Variants in GNL1 observed in about 807,000 individuals in gnomAD.
GNL1 encodes G protein nucleolar 1.
A neutral mutation model predicts 75.2 loss-of-function variants in GNL1; 21 were observed. The observed-to-expected ratio is 0.28, with a 90% CI of 0.20 to 0.40. The LOEUF (loss-of-function observed/expected upper bound fraction) is 0.40. Among genes scored for constraint, GNL1 ranks in the 10% least tolerant of loss-of-function variants. The probability of loss-of-function intolerance (pLI) is 1.00; values close to 1 mark genes in which losing one functional copy is unlikely to be tolerated. For missense variants in GNL1, 579 were observed against 775.0 expected (o/e 0.75, Z 3.00); for synonymous variants, 287 against 303.4 (o/e 0.95, Z 0.56).
rs1157355933 is a variant in GNL1 at position 30,546,421 on chromosome 6, C to T, written c.1583-108G>A. 6 of 737,546 alleles carry T rather than the reference C, an allele frequency of 8.1e-6. No individual in the cohort carries two copies. Among genetic ancestry groups the T allele is most frequent in the Non-Finnish European group, 1.4e-5 (6 of 439,502 alleles). The allele number at this position is 737,546 out of a possible 1,614,324, so 45.7% of individuals were successfully genotyped here. On this transcript the variant is annotated intron_variant, in intron 11 of 11. Coordinates refer to ENST00000376621, the MANE Select transcript of GNL1 (RefSeq NM_005275.5). The surrounding 1 kb of genome is among the most constrained non-coding windows in gnomAD (Gnocchi z 5.1). ...CTAGGAATAACAATAATCTTTAGAG[C>T]TGCTGGCATTCATTCATTCATCCAT...
Position 30,546,617 on chromosome 6 carries a change from C to G in GNL1, c.1582+79G>C. 1.7e-6 allele frequency: 2 copies of G among 1,201,874 alleles called. No homozygotes were observed. The highest frequency in any genetic ancestry group is 2.4e-6 in the Non-Finnish European group (2 of 844,856). 74.5% of individuals were successfully genotyped at this position (1,201,874 alleles called of 1,614,324 possible). ...CAACAGGTACAGAATCCAGGTTTGACCCTCTCTCTGGCCACAAAGCCCACA... is the reference window on the plus strand; with the variant it reads ...CAACAGGTACAGAATCCAGGTTTGAGCCTCTCTCTGGCCACAAAGCCCACA... On this transcript the variant is annotated intron_variant, in intron 11 of 11. Coordinates refer to ENST00000376621, the MANE Select transcript of GNL1 (RefSeq NM_005275.5). This position sits in a 1 kb window ranked among gnomAD's most constrained non-coding sequence, Gnocchi z 5.1.
In GNL1 at chr6:30,546,570, G is replaced by C. The variant is rs1799466771; in HGVS notation, c.1582+126C>G. 1.3e-6 allele frequency: 1 copy of C among 797,810 alleles called. No individual in the cohort carries two copies. Among genetic ancestry groups the C allele is most frequent in the African/African-American group, 1.7e-5 (1 of 57,862 alleles). 49.4% of individuals were successfully genotyped at this position (797,810 alleles called of 1,614,324 possible). A position where few individuals can be genotyped will look rare whatever the true frequency, so the allele number is the denominator to read the frequency against. On this transcript the variant is annotated intron_variant, in intron 11 of 11. Transcript: ENST00000376621. This position sits in a 1 kb window ranked among gnomAD's most constrained non-coding sequence, Gnocchi z 5.1. ...GTTTGCAGATCAGGAAAATATCACA[G>C]ATGTTAAGTAACAGAGCTAGCCAAC...
In GNL1 at chr6:30,544,622, G is replaced by C. The variant is rs1446950449; in HGVS notation, c.*1450C>G. ...AAACCTTCAAGTACATTCTCATGCT[G>C]GTATTATTTAAACTTTGCACTGGAG... On this transcript the variant is annotated 3_prime_UTR_variant, in exon 12 of 12. Transcript: ENST00000376621. The C allele has an allele frequency of 5.3e-5, 8 of 152,152 alleles. No homozygotes were observed. The highest frequency in any genetic ancestry group is 1.9e-4 in the African/African-American group (8 of 41,442). 9.4% of individuals were successfully genotyped at this position (152,152 alleles called of 1,614,324 possible). A position where few individuals can be genotyped will look rare whatever the true frequency, so the allele number is the denominator to read the frequency against.
At position 30,555,873 on chromosome 6, in the gene GNL1, TG is replaced by T. The variant is rs1222742130; in HGVS notation, c.74-154del. The T allele has an allele frequency of 2.3e-6, 2 of 881,234 alleles. No individual in the cohort carries two copies. Among genetic ancestry groups the T allele is most frequent in the Non-Finnish European group, 3.5e-6 (2 of 576,714 alleles). The allele number at this position is 881,234 out of a possible 1,614,324, so 54.6% of individuals were successfully genotyped here. ...TATTTGGGACCCTCCCGGATGTGCGTGGGGGGAGTCACTCCTTCAGGGAGCA... is the reference window on the plus strand; with the variant it reads ...TATTTGGGACCCTCCCGGATGTGCGTGGGGGAGTCACTCCTTCAGGGAGCA... On this transcript the variant is annotated intron_variant, in intron 1 of 11. Coordinates refer to ENST00000376621, the MANE Select transcript of GNL1 (RefSeq NM_005275.5). The surrounding 1 kb of genome is among the most constrained non-coding windows in gnomAD (Gnocchi z 4.3).
rs1441778182 is a variant in GNL1, at chr6:30,553,140, C to T, written c.848G>A (p.Arg283Gln). 1.4e-5 allele frequency: 23 copies of T among 1,613,758 alleles called. No homozygotes were observed. Among genetic ancestry groups the T allele is most frequent in the African/African-American group, 9.3e-5 (7 of 75,032 alleles). ...CAGCAACTGCTCTGGCCCCAGGGCC[C>T]GAGTCCATCCTCTCCCCCGCCTCCG... ...KSRRRGRGWT[R>Q]ALGPEQLLRA... is the part of the protein sequence containing the mutation. Residue 283 changes from arginine to glutamine, a missense_variant, in exon 7 of 12, where the codon CGG (arginine) becomes CAG (glutamine). Arg to Gln is a conservative substitution (Grantham distance 43). Transcript: ENST00000376621.
Position 30,546,289 on chromosome 6 carries a change from G to A in GNL1, c.1607C>T (p.Thr536Ile), listed in dbSNP as rs1197955647. 3 of 1,593,706 alleles carry A rather than the reference G, an allele frequency of 1.9e-6. No homozygotes were observed. Among genetic ancestry groups the A allele is most frequent in the South Asian group, 1.1e-5 (1 of 88,142 alleles). ...QKGTWESHPE[T>I]TELVVLQGRV... The stretch of plus-strand genomic sequence containing the variant: ...GCCCTGCAAAACCACCAGCTCCGTG[G>A]TCTCTGGATGGGACTCCCAGGTGCC... The change falls in exon 12 of 12, where the codon ACC (threonine) becomes ATC (isoleucine). Residue 536 changes from threonine to isoleucine, a missense_variant. Thr to Ile is a moderately conservative substitution (Grantham distance 89). Transcript: ENST00000376621. The surrounding 1 kb of genome is among the most constrained non-coding windows in gnomAD (Gnocchi z 5.1).
At chr6:30,550,888 C>T (rs1799736614) in intron 8 of GNL1, among the ~76,000 whole-genome samples, 1 of 152,142 alleles carries the variant, frequency 6.6e-6, no homozygotes, top group Non-Finnish European at 1.5e-5. Context: ...TGGCTCACTT[C>T]ATCTCATCAT....
At position 30,555,112 on chromosome 6, in the gene GNL1, G is replaced by A. The variant is rs1230445896; in HGVS notation, c.319C>T (p.Pro107Ser). The A allele has an allele frequency of 6.2e-7, 1 of 1,612,916 alleles. No individual in the cohort carries two copies. Among genetic ancestry groups the A allele is most frequent in the Non-Finnish European group, 8.5e-7 (1 of 1,179,994 alleles). ...KRAAREQVLQ[P>S]VSAELLELDI... is the part of the protein sequence containing the mutation. ...AGCTCCAACAACTCAGCACTGACCG[G>A]CTGTAGAACTTGCTCCCGGGCTGCT... The change falls in exon 3 of 12, where the codon CCG (proline) becomes TCG (serine). Residue 107 changes from proline to serine, a missense_variant. Coordinates refer to ENST00000376621, the MANE Select transcript of GNL1 (RefSeq NM_005275.5). The surrounding 1 kb of genome is among the most constrained non-coding windows in gnomAD (Gnocchi z 4.3).
chr6:30,556,113 T>C lies in GNL1; in HGVS notation c.73+18A>G, dbSNP rs1311647574. On this transcript the variant is annotated intron_variant, in intron 1 of 11. Coordinates refer to ENST00000376621, the MANE Select transcript of GNL1 (RefSeq NM_005275.5). The surrounding 1 kb of genome is among the most constrained non-coding windows in gnomAD (Gnocchi z 5.7). ...CGGAAGCCCGAGCCCCGCCCCCTCCTCCCGCTCCCGCACTGACCTCTCTTC... is the reference window on the plus strand; with the variant it reads ...CGGAAGCCCGAGCCCCGCCCCCTCCCCCCGCTCCCGCACTGACCTCTCTTC... The C allele has an allele frequency of 6.3e-7, 1 of 1,597,596 alleles. No individual in the cohort carries two copies. Among genetic ancestry groups the C allele is most frequent in the Non-Finnish European group, 8.5e-7 (1 of 1,175,306 alleles).
At position 30,552,696 on chromosome 6, in the gene GNL1, C is replaced by T. The variant is rs908000756; in HGVS notation, c.905-35G>A. The stretch of plus-strand genomic sequence containing the variant: ...GAAGGAGAAGATTAAAGAGGTTCTC[C>T]CCAGGGCTGCTGTGCATGATGGCAC... On this transcript the variant is annotated intron_variant, in intron 7 of 11. Coordinates refer to ENST00000376621, the MANE Select transcript of GNL1 (RefSeq NM_005275.5). This position sits in a 1 kb window ranked among gnomAD's most constrained non-coding sequence, Gnocchi z 4.5. 1.3e-6 allele frequency: 2 copies of T among 1,581,768 alleles called. No homozygotes were observed. The highest frequency in any genetic ancestry group is 1.3e-5 in the African/African-American group (1 of 74,396).
Position 30,547,202 on chromosome 6 carries a change from T to C in GNL1, c.1351A>G (p.Ile451Val). The change falls in exon 10 of 12, where the codon ATT (isoleucine) becomes GTT (valine). Residue 451 changes from isoleucine (I) to valine (V), a missense_variant. Physicochemically the swap from Ile to Val is conservative, Grantham distance 29 (BLOSUM62 3). Coordinates refer to ENST00000376621, the MANE Select transcript of GNL1 (RefSeq NM_005275.5). This position sits in a 1 kb window ranked among gnomAD's most constrained non-coding sequence, Gnocchi z 5.5. The stretch of plus-strand genomic sequence containing the variant: ...AGGTGGAGCAGGGCCTGCACGGGAA[T>C]TCGGGAGGCCAGGTAGCCCACAGCA... Reference protein sequence around the residue: ...YTAVGYLASRIPVQALLHLRH... With the variant: ...YTAVGYLASRVPVQALLHLRH... The C allele has an allele frequency of 1.2e-6, 2 of 1,613,186 alleles. No homozygotes were observed. Among genetic ancestry groups the C allele is most frequent in the Non-Finnish European group, 1.7e-6 (2 of 1,179,584 alleles).
intron 5 of GNL1, 99 bp from the exon 6 acceptor site, chr6:30,553,656 C>A: frequency 1.3e-6 from 1 of 789,208 alleles, no homozygotes; most frequent in Non-Finnish European, 2.2e-6. Flanking sequence ...AGACAAGGCC[C>A]TGGTGGTAGC....
At position 30,555,410 on chromosome 6, in the gene GNL1, G is replaced by C; in HGVS notation, c.239+145C>G. On this transcript the variant is annotated intron_variant, in intron 2 of 11. Transcript: ENST00000376621. This position sits in a 1 kb window ranked among gnomAD's most constrained non-coding sequence, Gnocchi z 4.3. Reference sequence around the variant, plus strand: ...CAGCCCCTCTGGAAAGGAAGACTGTGGCCCGCTGTGGGGAGCCGAGTGGCT... The same window carrying C: ...CAGCCCCTCTGGAAAGGAAGACTGTCGCCCGCTGTGGGGAGCCGAGTGGCT... 1.0e-6 allele frequency: 1 copy of C among 979,918 alleles called. No homozygotes were observed. Among genetic ancestry groups the C allele is most frequent in the Non-Finnish European group, 1.5e-6 (1 of 651,692 alleles). 60.7% of individuals were successfully genotyped at this position (979,918 alleles called of 1,614,324 possible). A position where few individuals can be genotyped will look rare whatever the true frequency, so the allele number is the denominator to read the frequency against.
At position 30,547,582 on chromosome 6, in the gene GNL1, G is replaced by C; in HGVS notation, c.1100-52C>G. ...TTAACAGGTTTCTACTCTGTGATGG[G>C]ACTTGGTGCTATACCTATAGGTAAA... On this transcript the variant is annotated intron_variant, in intron 8 of 11. Transcript: ENST00000376621. This position sits in a 1 kb window ranked among gnomAD's most constrained non-coding sequence, Gnocchi z 5.5. The C allele has an allele frequency of 6.8e-7, 1 of 1,472,412 alleles. No individual in the cohort carries two copies. Among genetic ancestry groups the C allele is most frequent in the East Asian group, 2.3e-5 (1 of 44,172 alleles). The allele number at this position is 1,472,412 out of a possible 1,614,324, so 91.2% of individuals were successfully genotyped here.
chr6:30,547,554 C>G lies in GNL1; in HGVS notation c.1100-24G>C. The G allele has an allele frequency of 6.2e-7, 1 of 1,605,644 alleles. No homozygotes were observed. Among genetic ancestry groups the G allele is most frequent in the Non-Finnish European group, 8.5e-7 (1 of 1,172,938 alleles). ...ACCTGAGGAAGGCAAGGAAAATTAACGTTTAACAGGTTTCTACTCTGTGAT... is the reference window on the plus strand; with the variant it reads ...ACCTGAGGAAGGCAAGGAAAATTAAGGTTTAACAGGTTTCTACTCTGTGAT... On this transcript the variant is annotated intron_variant, in intron 8 of 11. Transcript: ENST00000376621. The surrounding 1 kb of genome is among the most constrained non-coding windows in gnomAD (Gnocchi z 5.5).
At chr6:30,553,890 T>G (rs1034840310) in intron 5 of GNL1, among the ~76,000 whole-genome samples, 2 of 152,228 alleles carry the variant, frequency 1.3e-5, no homozygotes, top group African/African-American at 4.8e-5. Context: ...CTTTTTTGTG[T>G]GTGCACAACT....
Position 30,552,453 on chromosome 6 carries a change from T to C in GNL1, c.1099+14A>G. The C allele has an allele frequency of 6.2e-7, 1 of 1,604,826 alleles. No individual in the cohort carries two copies. The highest frequency in any genetic ancestry group is 8.5e-7 in the Non-Finnish European group (1 of 1,173,272). ...TCCTTGGAGGCCACCACGCACAAGC[T>C]GCCACTTCCTTACCCACACAGCCGA... On this transcript the variant is annotated intron_variant, in intron 8 of 11. Coordinates refer to ENST00000376621, the MANE Select transcript of GNL1 (RefSeq NM_005275.5). This position sits in a 1 kb window ranked among gnomAD's most constrained non-coding sequence, Gnocchi z 4.5.
At chr6:30,550,130 C>A (rs1582502146) in intron 8 of GNL1, among the ~76,000 whole-genome samples, 1 of 152,112 alleles carries the variant, frequency 6.6e-6, no homozygotes. Context: ...CCAGCCTAAT[C>A]CTGTGGCTTT....
Position 30,555,236 on chromosome 6 carries a change from C to T in GNL1, c.240-45G>A, listed in dbSNP as rs1342410864. 1.9e-6 allele frequency: 3 copies of T among 1,611,382 alleles called. No homozygotes were observed. Among genetic ancestry groups the T allele is most frequent in the Admixed American group, 1.7e-5 (1 of 59,984 alleles). ...GACATCCAGAGCAATCCTGTGGCCA[C>T]AAACTCCTATTTTCTCCCCTCTTGT... On this transcript the variant is annotated intron_variant, in intron 2 of 11. Coordinates refer to ENST00000376621, the MANE Select transcript of GNL1 (RefSeq NM_005275.5). The surrounding 1 kb of genome is among the most constrained non-coding windows in gnomAD (Gnocchi z 4.3).
Sources: allele counts gnomAD v4.1 joint callset (sites outside exome capture counted in the v4.1 genomes callset), GRCh38; gene constraint gnomAD v4.1.1; non-coding constraint Gnocchi (gnomAD v3.1); transcripts MANE v1.5; gene names NCBI Gene and HGNC (gene_info 2026-07-23, HGNC 2026-07-21).